MRPL34: variants seen among roughly 807,000 people sequenced by gnomAD.
The protein encoded by MRPL34 is mitochondrial ribosomal protein L34.
In MRPL34, 8 loss-of-function variants were observed where a neutral mutation model predicts 6.7. The ratio of observed to expected loss-of-function variants is 1.20; its 90% CI spans 0.70 to 2.16. The LOEUF is 2.16. Ranked by LOEUF, MRPL34 falls within the 30% of genes most tolerant of loss-of-function variation. MRPL34 has a pLI of 0.00. For missense variants in MRPL34, 146 were observed against 125.5 expected (o/e 1.16, Z -0.78); for synonymous variants, 59 against 55.1 (o/e 1.07, Z -0.31).
At chr19:17,294,598 C>T (rs2074085391) in intron 1 of MRPL34, 15 of 1,606,288 alleles carry the variant, frequency 9.3e-6, no homozygotes, top group Non-Finnish European at 1.1e-5. Context: ...CGGTACAGTC[C>T]CCCCTCCCAT....
In MRPL34 at chr19:17,294,440, C is replaced by G. The variant is rs202076995; in HGVS notation, c.214+1586C>G. The G allele has an allele frequency of 3.1e-6, 5 of 1,614,034 alleles. No homozygotes were observed. The highest frequency in any genetic ancestry group is 4.2e-6 in the Non-Finnish European group (5 of 1,180,004). On this transcript the variant is annotated intron_variant, in intron 1 of 2. Transcript: ENST00000595444. The stretch of plus-strand genomic sequence containing the variant: ...ATGGCCCGGAGTACGAAGGATGACA[C>G]GTTGAAAGCGTTGCCCTCCTTTAAC...
At chr19:17,301,056 G>A (rs775567753), upstream of MRPL34, 4 of 1,613,524 alleles carry the variant, frequency 2.5e-6, no homozygotes, top group Non-Finnish European at 3.4e-6. Context: ...AGATGGCCAG[G>A]GAACCGCCGA....
chr19:17,301,327 C>G (rs755787357), upstream of MRPL34: 4 of 1,607,854 alleles, frequency 2.5e-6, no homozygotes, highest in African/African-American at 4.0e-5. Context: ...TCGAGGGGCT[C>G]GGCCCAGGTT....
chr19:17,299,515 C>T (rs929594581), upstream of MRPL34, among the ~76,000 whole-genome samples: 1 of 144,132 alleles, frequency 6.9e-6, no homozygotes, highest in Admixed American at 7.1e-5. Flanking sequence ...GAGCCAGGAT[C>T]ACGCCACTGC....
intron 1 of MRPL34, chr19:17,294,437 A>T: frequency 6.2e-7 from 1 of 1,614,126 alleles, no homozygotes. Flanking sequence ...ACGAAGGATG[A>T]CACGTTGAAA....
upstream of MRPL34, among the ~76,000 whole-genome samples, chr19:17,303,713 T>G (rs989780539): frequency 4.6e-5 from 7 of 152,090 alleles, no homozygotes; most frequent in African/African-American, 1.7e-4. Context: ...CCCAAGCCCT[T>G]GCCCCCCAGC....
chr19:17,295,265 C>T (rs2145652815), intron 1 of MRPL34, among the ~76,000 whole-genome samples: 1 of 151,986 alleles, frequency 6.6e-6, no homozygotes, highest in East Asian at 1.9e-4. Flanking sequence ...GCCACCGCGC[C>T]CGGCTAATTT....
At position 17,294,950 on chromosome 19, in the gene MRPL34, G is replaced by C. The variant is rs950390668; in HGVS notation, c.214+2096G>C. On this transcript the variant is annotated intron_variant, in intron 1 of 2. Coordinates refer to the MRPL34 transcript ENST00000595444. ...TTTGTTTTTGTTTTTGTTTGAGACA[G>C]TTTTACTCTGTCCCCCAGGCTGGAA... 6.6e-6 allele frequency: 9 copies of C among 1,353,702 alleles called. No homozygotes were observed. In the Admixed American group the frequency reaches 1.9e-4, roughly 28 times the overall value. The allele number at this position is 1,353,702 out of a possible 1,614,324, so 83.9% of individuals were successfully genotyped here. A position where few individuals can be genotyped will look rare whatever the true frequency, so the allele number is the denominator to read the frequency against.
Position 17,306,434 on chromosome 19 carries a change from C to G in MRPL34, c.*55C>G. ...TGGAAGCATCGCCCTCGCCTCGGAC[C>G]TTGCCTGGCGCTATTTTTGCAGGGA... On this transcript the variant is annotated 3_prime_UTR_variant, in exon 2 of 2. Coordinates refer to ENST00000252602, the MANE Select transcript of MRPL34 (RefSeq NM_023937.4). 2 of 1,455,082 alleles carry G rather than the reference C, an allele frequency of 1.4e-6. No homozygotes were observed. The highest frequency in any genetic ancestry group is 5.0e-5 in the East Asian group (2 of 40,160). The allele number at this position is 1,455,082 out of a possible 1,614,324, so 90.1% of individuals were successfully genotyped here.
At chr19:17,304,421 A>T (rs1476678306), upstream of MRPL34, among the ~76,000 whole-genome samples, 3 of 152,240 alleles carry the variant, frequency 2.0e-5, no homozygotes, top group Non-Finnish European at 4.4e-5. Context: ...TGTCGTGCAT[A>T]TAACAAATGC....
chr19:17,295,116 T>TTTTTTA (rs2074088154), intron 1 of MRPL34, among the ~76,000 whole-genome samples: 1 of 146,436 alleles, frequency 6.8e-6, no homozygotes, highest in Admixed American at 6.8e-5. Context: ...TTTTTTTTTT[T>TTTTTTA]GAGACGGAGT....
chr19:17,301,606 C>G, upstream of MRPL34: 1 of 1,553,194 alleles, frequency 6.4e-7, no homozygotes, highest in Non-Finnish European at 8.7e-7. Context: ...GTCGGTCACC[C>G]CGGTCAGCAT....
At chr19:17,305,399 C>G (rs549991734), upstream of MRPL34, among the ~76,000 whole-genome samples, 1 of 152,200 alleles carries the variant, frequency 6.6e-6, no homozygotes, top group African/African-American at 2.4e-5. Flanking sequence ...ACGCAGCGAG[C>G]TTGAACTCAG....
chr19:17,293,716 C>T (rs1167106296), intron 1 of MRPL34, among the ~76,000 whole-genome samples: 1 of 148,094 alleles, frequency 6.8e-6, no homozygotes, highest in Admixed American at 6.8e-5. Flanking sequence ...CTTTAAGAAA[C>T]GGGGTCTTGC....
At chr19:17,305,669 C>A (rs2074142213), upstream of MRPL34, 2 of 589,450 alleles carry the variant, frequency 3.4e-6, no homozygotes, top group South Asian at 3.9e-5. Flanking sequence ...CGCCGTTCGC[C>A]GGCTACCTGT....
intron 1 of MRPL34, among the ~76,000 whole-genome samples, chr19:17,293,178 C>T (rs1389378739): frequency 6.6e-6 from 1 of 151,052 alleles, no homozygotes; most frequent in Non-Finnish European, 1.5e-5. Flanking sequence ...TCACTCCAAC[C>T]TCTGCCTCCC....
intron 1 of MRPL34, among the ~76,000 whole-genome samples, chr19:17,297,029 T>C (rs2074096810): frequency 6.6e-6 from 1 of 152,172 alleles, no homozygotes; most frequent in Middle Eastern, 3.2e-3. Flanking sequence ...TTATCAGAAG[T>C]TCCAACAGTG....
At chr19:17,304,483 A>G (rs1467371095), upstream of MRPL34, among the ~76,000 whole-genome samples, 3 of 152,166 alleles carry the variant, frequency 2.0e-5, no homozygotes, top group African/African-American at 7.2e-5. Context: ...AAACGATGCT[A>G]CAGGTAGGAT....
upstream of MRPL34, chr19:17,303,362 C>A (rs2074130516): frequency 6.6e-6 from 1 of 152,248 alleles, no homozygotes; most frequent in Non-Finnish European, 1.5e-5. Context: ...TCTACGCGGG[C>A]GGGCACCTGC....
Sources: allele counts gnomAD v4.1 joint callset (sites outside exome capture counted in the v4.1 genomes callset), GRCh38; gene constraint gnomAD v4.1.1; transcripts MANE v1.5; gene names NCBI Gene and HGNC (gene_info 2026-07-23, HGNC 2026-07-21).